The following CPN1 variants were observed in gnomAD, a reference collection of about 807,000 sequenced individuals.
CPN1 encodes carboxypeptidase N catalytic chain.
A neutral mutation model predicts 46.4 loss-of-function variants in CPN1; 37 were observed. The ratio of observed to expected loss-of-function variants is 0.80; its 90% CI spans 0.61 to 1.05. The LOEUF (loss-of-function observed/expected upper bound fraction) is 1.05. Among genes scored for constraint, CPN1 ranks in the 50% least tolerant of loss-of-function variants. The pLI, the probability that CPN1 is intolerant of heterozygous loss-of-function variation, is 0.00. For synonymous variants in CPN1, 224 were observed against 235.4 expected (o/e 0.95, Z 0.44); for missense variants, 563 against 602.6 (o/e 0.93, Z 0.69).
chr10:100,060,316 C>A (rs182715846), intron 5 of CPN1, among the ~76,000 whole-genome samples: 38 of 152,250 alleles, frequency 2.5e-4, no homozygotes, highest in East Asian at 9.7e-4. Context: ...AATCCCAGCA[C>A]TTTGGGAGGC....
At chr10:100,066,782 G>C (rs750277301) in intron 3 of CPN1, among the ~76,000 whole-genome samples, 34 of 152,288 alleles carry the variant, frequency 2.2e-4, no homozygotes, top group South Asian at 8.3e-4. Flanking sequence ...CAAGGGGACT[G>C]GATAAATAGG....
chr10:100,065,969 T>G (rs1346246471), intron 3 of CPN1, among the ~76,000 whole-genome samples: 3 of 151,998 alleles, frequency 2.0e-5, no homozygotes, highest in African/African-American at 4.8e-5. Context: ...TTTGTTTTGT[T>G]TTTTGAGACA....
chr10:100,075,751 C>A (rs3750718), intron 2 of CPN1, among the ~76,000 whole-genome samples, 160 bp downstream of exon 2: 16,793 of 152,228 alleles, frequency 0.11, 1,826 homozygotes, highest in African/African-American at 0.27. Flanking sequence ...CCTCTTCATC[C>A]TTTCTTATAT....
chr10:100,074,155 G>A (rs2041501503), intron 2 of CPN1, among the ~76,000 whole-genome samples: 1 of 152,154 alleles, frequency 6.6e-6, no homozygotes. Flanking sequence ...TGAGGATTAG[G>A]ACATGGACAT....
At chr10:100,067,378 A>G (rs994276807) in intron 3 of CPN1, among the ~76,000 whole-genome samples, 2 of 152,176 alleles carry the variant, frequency 1.3e-5, no homozygotes, top group Non-Finnish European at 2.9e-5. Context: ...TGCCTCCCAA[A>G]GTGCTGGGAT....
intron 5 of CPN1, among the ~76,000 whole-genome samples, chr10:100,059,632 ATT>A (rs1172596386): frequency 6.6e-6 from 1 of 151,918 alleles, no homozygotes. Context: ...ATGTGGAAAA[ATT>A]GAAACTCCCG....
Position 100,057,085 on chromosome 10 carries a change from C to CT in CPN1, c.938dup (p.Phe314ValfsTer14), listed in dbSNP as rs2041388598. The stretch of plus-strand genomic sequence containing the variant: ...GCTGTAACTCCTCTTCGGGGGGAAA[C>CT]TTGTCGCAACTCAGTTCCAGCGTGA... On this transcript the variant is annotated frameshift_variant, in exon 6 of 9. Coordinates refer to ENST00000370418, the MANE Select transcript of CPN1 (RefSeq NM_001308.3). LOFTEE classifies it high-confidence loss of function. 1.9e-6 allele frequency: 3 copies of CT among 1,614,054 alleles called. No homozygotes were observed. The highest frequency in any genetic ancestry group is 2.5e-6 in the Non-Finnish European group (3 of 1,180,042).
At chr10:100,077,897 T>C (rs1468668397) in intron 1 of CPN1, among the ~76,000 whole-genome samples, 4 of 152,108 alleles carry the variant, frequency 2.6e-5, no homozygotes, top group Non-Finnish European at 5.9e-5. Flanking sequence ...TCCTATTTAT[T>C]TAAAAAAAAA....
chr10:100,048,334 G>C (rs113286636), intron 8 of CPN1, among the ~76,000 whole-genome samples: 5 of 152,106 alleles, frequency 3.3e-5, no homozygotes, highest in African/African-American at 1.2e-4. Context: ...TAGGATGTGC[G>C]AGCAATTAAT....
At chr10:100,055,874 C>T (rs796169966) in intron 6 of CPN1, among the ~76,000 whole-genome samples, 2 of 152,328 alleles carry the variant, frequency 1.3e-5, no homozygotes, top group African/African-American at 4.8e-5. Context: ...TATGGATATA[C>T]CACATTTGTT....
chr10:100,073,195 G>A (rs371975661), intron 2 of CPN1, among the ~76,000 whole-genome samples: 37 of 152,206 alleles, frequency 2.4e-4, no homozygotes, highest in African/African-American at 8.7e-4. Flanking sequence ...TCCTACATCA[G>A]TTGTGTTCCA....
chr10:100,071,838 T>C (rs1226690375), intron 2 of CPN1, among the ~76,000 whole-genome samples: 1 of 152,244 alleles, frequency 6.6e-6, no homozygotes, highest in East Asian at 1.9e-4. Flanking sequence ...GCAAATACTA[T>C]GCCATTTTAT....
chr10:100,047,492 T>C (rs993157140), intron 8 of CPN1, among the ~76,000 whole-genome samples: 2 of 152,224 alleles, frequency 1.3e-5, no homozygotes, highest in African/African-American at 4.8e-5. Flanking sequence ...TCTGGAAAGA[T>C]AGGCCTTGCT....
In CPN1 at chr10:100,081,614, C is replaced by T; in HGVS notation, c.12G>A (p.Leu4=). The change falls in exon 1 of 9, where the codon CTG becomes CTA. Residue 4 remains leucine (L), a synonymous_variant. Coordinates refer to ENST00000370418, the MANE Select transcript of CPN1 (RefSeq NM_001308.3). MSD[L]LSVFLHLLLL... ...GGAGGAGGTGGAGGAAGACTGAGAG[C>T]AGGTCTGACATCTTGCTGGGCTTTT... The T allele has an allele frequency of 6.2e-7, 1 of 1,614,082 alleles. No individual in the cohort carries two copies. The highest frequency in any genetic ancestry group is 8.5e-7 in the Non-Finnish European group (1 of 1,180,008).
chr10:100,063,504 G>T, intron 5 of CPN1, 110 bp downstream of exon 5: 1 of 849,666 alleles, frequency 1.2e-6, no homozygotes, highest in Non-Finnish European at 2.0e-6. Flanking sequence ...CTCAACTTGA[G>T]TGCAAAATTC....
intron 1 of CPN1, among the ~76,000 whole-genome samples, chr10:100,077,332 G>T (rs1271174147): frequency 4.1e-5 from 6 of 146,574 alleles, no homozygotes; most frequent in Non-Finnish European, 3.0e-5. Flanking sequence ...CCAGGTTCAA[G>T]CAATTCTCCT....
intron 5 of CPN1, among the ~76,000 whole-genome samples, chr10:100,062,202 C>T (rs1220032585): frequency 6.6e-6 from 1 of 152,140 alleles, no homozygotes; most frequent in Non-Finnish European, 1.5e-5. Context: ...TAAAAGAACT[C>T]AGCTTCTTGC....
intron 8 of CPN1, among the ~76,000 whole-genome samples, chr10:100,046,478 A>G (rs1301778761): frequency 6.6e-6 from 1 of 152,146 alleles, no homozygotes; most frequent in Non-Finnish European, 1.5e-5. Context: ...TCTACAAAAA[A>G]TAACAAAAAT....
At chr10:100,066,826 G>A (rs1419717585) in intron 3 of CPN1, among the ~76,000 whole-genome samples, 1 of 152,184 alleles carries the variant, frequency 6.6e-6, no homozygotes, top group Non-Finnish European at 1.5e-5. Flanking sequence ...ATAATTGCGA[G>A]GGCACCAGTC....
Sources: allele counts gnomAD v4.1 joint callset (sites outside exome capture counted in the v4.1 genomes callset), GRCh38; gene constraint gnomAD v4.1.1; transcripts MANE v1.5; gene names NCBI Gene and HGNC (gene_info 2026-07-23, HGNC 2026-07-21).